Variants in PRKG1 observed in about 807,000 individuals in gnomAD.
The protein encoded by PRKG1 is protein kinase cGMP-dependent 1.
PRKG1 carries 35 observed loss-of-function variants against 88.1 expected under a neutral mutation model. That is an observed-to-expected ratio of 0.40 (90% confidence interval 0.30 to 0.53). The LOEUF (loss-of-function observed/expected upper bound fraction) is 0.53, where lower values mean the gene tolerates loss of function less well. PRKG1 is among the 20% of genes least tolerant of loss of function. The pLI is 0.59. For synonymous variants in PRKG1, 303 were observed against 292.5 expected (o/e 1.04, Z -0.37); for missense variants, 540 against 839.8 (o/e 0.64, Z 4.41).
chr10:51,566,080 G>A (rs1837595206), intron 3 of PRKG1, among the ~76,000 whole-genome samples: 1 of 152,038 alleles, frequency 6.6e-6, no homozygotes, highest in African/African-American at 2.4e-5. Flanking sequence ...ATAATGATTG[G>A]TATCACTATA....
At chr10:51,941,474 T>G (rs920803847) in intron 5 of PRKG1, among the ~76,000 whole-genome samples, 1 of 151,990 alleles carries the variant, frequency 6.6e-6, no homozygotes, top group Non-Finnish European at 1.5e-5. Flanking sequence ...TATTATACTT[T>G]AAGTTTTAGG....
chr10:51,107,810 C>CA (rs150587434), intron 1 of PRKG1, among the ~76,000 whole-genome samples: 1,627 of 62,328 alleles, frequency 0.026, 17 homozygotes, highest in East Asian at 0.049. Context: ...AACCCTGTCT[C>CA]AAAAAAAAAA....
chr10:51,386,056 A>G (rs1301562485), intron 2 of PRKG1, among the ~76,000 whole-genome samples: 1 of 152,200 alleles, frequency 6.6e-6, no homozygotes, highest in Non-Finnish European at 1.5e-5. Flanking sequence ...AATTTACTAA[A>G]AAGCAGTATA....
intron 5 of PRKG1, among the ~76,000 whole-genome samples, chr10:51,968,813 A>G (rs1185769033): frequency 7.2e-6 from 1 of 138,730 alleles, no homozygotes; most frequent in African/African-American, 2.8e-5. Flanking sequence ...ACAGAGCAAA[A>G]CTCCATCAAA....
At chr10:51,497,924 A>T (rs1840908671) in intron 3 of PRKG1, among the ~76,000 whole-genome samples, 1 of 151,992 alleles carries the variant, frequency 6.6e-6, no homozygotes, top group Non-Finnish European at 1.5e-5. Flanking sequence ...GTGTGTAGAG[A>T]TTATTTCTGG....
At chr10:51,694,618 G>A (rs750855727) in intron 3 of PRKG1, among the ~76,000 whole-genome samples, 2 of 152,180 alleles carry the variant, frequency 1.3e-5, no homozygotes, top group Non-Finnish European at 2.9e-5. Context: ...AACATGTACT[G>A]CCCAAGAGGA....
intron 1 of PRKG1, among the ~76,000 whole-genome samples, chr10:51,108,562 T>C (rs1013757029): frequency 3.3e-5 from 5 of 152,138 alleles, no homozygotes; most frequent in East Asian, 1.9e-4. Context: ...AGAAAAGGCA[T>C]TGGACTTAAG....
chr10:52,285,335 TGGA>T (rs1564545862), intron 14 of PRKG1, among the ~76,000 whole-genome samples: 1 of 152,092 alleles, frequency 6.6e-6, no homozygotes, highest in Non-Finnish European at 1.5e-5. Flanking sequence ...AATACATTAT[TGGA>T]GGAGAATTCT....
At chr10:51,260,737 A>T (rs1375900705) in intron 2 of PRKG1, among the ~76,000 whole-genome samples, 1 of 152,218 alleles carries the variant, frequency 6.6e-6, no homozygotes, top group Admixed American at 6.5e-5. Context: ...AATCAATGTG[A>T]TGTGATTATA....
chr10:52,185,841 G>C (rs1262311955), intron 9 of PRKG1, among the ~76,000 whole-genome samples: 2 of 152,186 alleles, frequency 1.3e-5, no homozygotes, highest in African/African-American at 4.8e-5. Context: ...GGATCTGGAG[G>C]CTTTTGAGCC....
intron 7 of PRKG1, chr10:52,062,852 T>C: frequency 1.4e-6 from 1 of 708,394 alleles, no homozygotes; most frequent in Non-Finnish European, 2.6e-6. Flanking sequence ...AAATCAGTGT[T>C]ATATTAATTG....
chr10:51,619,012 A>G (rs1839139488), intron 3 of PRKG1, among the ~76,000 whole-genome samples: 1 of 150,802 alleles, frequency 6.6e-6, no homozygotes, highest in Admixed American at 6.6e-5. Flanking sequence ...CCTGACCTCA[A>G]GCAATCCACC....
intron 7 of PRKG1, among the ~76,000 whole-genome samples, chr10:52,064,379 A>C (rs1846307141): frequency 6.6e-6 from 1 of 152,208 alleles, no homozygotes; most frequent in African/African-American, 2.4e-5. Flanking sequence ...AACAGAGAGA[A>C]GCCAGGCAGT....
intron 5 of PRKG1, among the ~76,000 whole-genome samples, chr10:52,037,217 G>T (rs1044802967): frequency 4.6e-5 from 7 of 151,152 alleles, no homozygotes; most frequent in African/African-American, 9.8e-5. Context: ...CCAGATTTCT[G>T]GCACATGTAG....
intron 2 of PRKG1, among the ~76,000 whole-genome samples, chr10:51,388,207 C>A (rs1484762118): frequency 6.6e-6 from 1 of 151,960 alleles, no homozygotes; most frequent in Non-Finnish European, 1.5e-5. Flanking sequence ...AATGTATATT[C>A]CCCCTTTTAT....
rs982438006 is a variant in PRKG1 at position 51,756,175 on chromosome 10, T to C, written c.593-48410T>C. Among the ~76,000 whole-genome samples, 17 of 152,270 alleles carry C rather than the reference T, an allele frequency of 1.1e-4. No individual in the cohort carries two copies. In the East Asian group the frequency reaches 3.3e-3, roughly 29 times the overall value. Reference sequence around the variant, plus strand: ...AGGAACCTTAGAATTCAATTAAAGATACAATAATTGTAATAAGTCAGTAGA... The same window carrying C: ...AGGAACCTTAGAATTCAATTAAAGACACAATAATTGTAATAAGTCAGTAGA... On this transcript the variant is annotated intron_variant, in intron 3 of 17. Coordinates refer to ENST00000373980, the MANE Select transcript of PRKG1 (RefSeq NM_006258.4).
chr10:52,247,002 T>C (rs1381865609), intron 9 of PRKG1, among the ~76,000 whole-genome samples: 1 of 151,548 alleles, frequency 6.6e-6, no homozygotes, highest in Non-Finnish European at 1.5e-5. Flanking sequence ...GATGTATTAC[T>C]TCTGCCTTCT....
chr10:51,446,356 T>A (rs896901467), intron 2 of PRKG1, among the ~76,000 whole-genome samples: 4 of 151,786 alleles, frequency 2.6e-5, no homozygotes, highest in Non-Finnish European at 5.9e-5. Context: ...AAGCTCAGAG[T>A]GTGTGTTTTT....
At chr10:51,551,876 T>A (rs776192395) in intron 3 of PRKG1, among the ~76,000 whole-genome samples, 5 of 151,770 alleles carry the variant, frequency 3.3e-5, no homozygotes. Context: ...TTTTTAAGAT[T>A]GTGCCTTGGC....
Sources: gnomAD v4.1 joint callset for allele counts (sites outside exome capture counted in the v4.1 genomes callset) on GRCh38, gnomAD v4.1.1 for gene constraint, MANE v1.5 for transcripts, NCBI Gene and HGNC (gene_info 2026-07-23, HGNC 2026-07-21) for gene names.